Variants in ERMP1 observed in about 807,000 individuals in gnomAD.
The protein encoded by ERMP1 is endoplasmic reticulum metallopeptidase 1, also known as Felix-ina.
A neutral mutation model predicts 92.0 loss-of-function variants in ERMP1; 86 were observed. That is an observed-to-expected ratio of 0.93 (90% CI 0.79 to 1.12). ERMP1 has a LOEUF of 1.12. Among genes scored for constraint, ERMP1 ranks in the 50% most tolerant of loss-of-function variants. The probability of loss-of-function intolerance (pLI) is 0.00; values close to 1 mark genes in which losing one functional copy is unlikely to be tolerated. For synonymous variants in ERMP1, 530 were observed against 412.8 expected, an observed-to-expected ratio of 1.28 and a Z score of -3.44; for missense variants, 1,342 against 1,116.3, an observed-to-expected ratio of 1.20 and a Z score of -2.88.
chr9:5,803,333 T>G (rs1309424921), intron 10 of ERMP1, among the ~76,000 whole-genome samples: 1 of 152,202 alleles, frequency 6.6e-6, no homozygotes, highest in Non-Finnish European at 1.5e-5. Flanking sequence ...TCTAAAGTAT[T>G]CCAAGAGGCA....
chr9:5,835,015 G>C (rs1165870941), upstream of ERMP1, among the ~76,000 whole-genome samples: 1 of 151,020 alleles, frequency 6.6e-6, no homozygotes, highest in African/African-American at 2.4e-5. Context: ...GTGTGTGTGT[G>C]TGTGTGTGTG....
chr9:5,810,173 G>A lies in ERMP1; in HGVS notation c.1386C>T (p.Phe462=), dbSNP rs768950275. 13 of 1,614,098 alleles carry A rather than the reference G, an allele frequency of 8.1e-6. No homozygotes were observed. The highest frequency in any genetic ancestry group is 1.1e-5 in the Non-Finnish European group (13 of 1,180,008). ...TAATGAGAACGGTAACAAGGCTAGT[G>A]AACCAGCTGATCAAAGTGATGCCAA... The part of the protein sequence containing the change: ...CGLGITLISW[F]TSLVTVLIIA... The change falls in exon 8 of 15, where the codon TTC becomes TTT. Residue 462 remains phenylalanine, a synonymous_variant. Transcript: ENST00000339450.
At chr9:5,856,676 T>G (rs1296070228) in intron 6 of ERMP1, among the ~76,000 whole-genome samples, 1 of 152,218 alleles carries the variant, frequency 6.6e-6, no homozygotes, top group Non-Finnish European at 1.5e-5. Context: ...TAGCAAATAC[T>G]GAACCATTGC....
At position 5,785,637 on chromosome 9, in the gene ERMP1, CAT is replaced by C. The variant is rs750663389; in HGVS notation, c.*1505_*1506del. 4.6e-5 allele frequency: 7 copies of C among 152,932 alleles called. No homozygotes were observed. Among genetic ancestry groups the C allele is most frequent in the East Asian group, 3.9e-4 (2 of 5,174 alleles). 9.5% of individuals were successfully genotyped at this position (152,932 alleles called of 1,614,324 possible). A position where few individuals can be genotyped will look rare whatever the true frequency, so the allele number is the denominator to read the frequency against. ...CATGATTTAAAAAGCACATCATACA[CAT>C]GAGACAAGCAGCTTCAAGGACGTTT... On this transcript the variant is annotated 3_prime_UTR_variant, in exon 15 of 15. Coordinates refer to ENST00000339450, the MANE Select transcript of ERMP1 (RefSeq NM_024896.3).
intron 5 of ERMP1, among the ~76,000 whole-genome samples, chr9:5,862,134 A>T (rs1165977876): frequency 6.6e-6 from 1 of 151,932 alleles, no homozygotes; most frequent in African/African-American, 2.4e-5. Context: ...GGCCCAAGTG[A>T]TCCTCCCACC....
chr9:5,823,008 G>C (rs1235606861), intron 4 of ERMP1, among the ~76,000 whole-genome samples: 2 of 152,198 alleles, frequency 1.3e-5, no homozygotes, highest in Non-Finnish European at 2.9e-5. Flanking sequence ...CTCTGGGCCA[G>C]GCATGGTGGT....
chr9:5,834,879 A>G (rs1222910716), upstream of ERMP1, among the ~76,000 whole-genome samples: 1 of 151,812 alleles, frequency 6.6e-6, no homozygotes, highest in Non-Finnish European at 1.5e-5. Flanking sequence ...AATCTCACAG[A>G]GTCCACGTGT....
chr9:5,798,868 G>A lies in ERMP1; in HGVS notation c.2208C>T (p.His736=), dbSNP rs1217201275. The A allele has an allele frequency of 3.1e-6, 5 of 1,613,816 alleles. No homozygotes were observed. Among genetic ancestry groups the A allele is most frequent in the Non-Finnish European group, 4.2e-6 (5 of 1,179,750 alleles). ...CACAAAGAGGTGCATTCTCCTCACA[G>A]TGAGCTCGGATACTATCATTGATCT... is the stretch of plus-strand genomic sequence containing the variant. The part of the protein sequence containing the change: ...IPEINDSIRA[H]CEENAPLCGF... The change falls in exon 12 of 15, where the codon CAC becomes CAT. Residue 736 remains histidine, a synonymous_variant. Coordinates refer to ENST00000339450, the MANE Select transcript of ERMP1 (RefSeq NM_024896.3).
chr9:5,798,771 C>G (rs764357288), intron 12 of ERMP1, 35 bp downstream of exon 12: 2 of 1,439,768 alleles, frequency 1.4e-6, no homozygotes, highest in East Asian at 4.6e-5. Flanking sequence ...GACTTGAGAA[C>G]AAACTAACCT....
chr9:5,792,677 T>G (rs1028076340), intron 13 of ERMP1, among the ~76,000 whole-genome samples: 1 of 152,218 alleles, frequency 6.6e-6, no homozygotes, highest in Non-Finnish European at 1.5e-5. Flanking sequence ...ACTTACCTAT[T>G]GTTTAAAAGG....
intron 4 of ERMP1, among the ~76,000 whole-genome samples, chr9:5,818,368 T>C (rs1345055545): frequency 1.3e-5 from 2 of 152,196 alleles, no homozygotes; most frequent in East Asian, 1.9e-4. Flanking sequence ...AAAAAAATTA[T>C]CATGACCAGT....
At chr9:5,812,011 T>G (rs1448213965) in intron 6 of ERMP1, 114 bp downstream of exon 6, 2 of 663,672 alleles carry the variant, frequency 3.0e-6, no homozygotes, top group Non-Finnish European at 5.2e-6. Flanking sequence ...CCCTAGCTCA[T>G]TCACATTGCA....
At chr9:5,848,606 G>A (rs1044439404) in intron 6 of ERMP1, among the ~76,000 whole-genome samples, 1 of 137,650 alleles carries the variant, frequency 7.3e-6, no homozygotes, top group Non-Finnish European at 1.6e-5. Flanking sequence ...GCCATTTCTG[G>A]TTTTCTACAA....
At chr9:5,850,157 C>T (rs565671888) in intron 6 of ERMP1, among the ~76,000 whole-genome samples, 71 of 151,992 alleles carry the variant, frequency 4.7e-4, no homozygotes, top group Non-Finnish European at 9.1e-4. Flanking sequence ...TGTGGATCAT[C>T]GGCATCAGAA....
intron 4 of ERMP1, among the ~76,000 whole-genome samples, chr9:5,820,246 C>T (rs988805177): frequency 6.6e-6 from 1 of 152,164 alleles, no homozygotes; most frequent in African/African-American, 2.4e-5. Context: ...GTGCAGTGAG[C>T]TGAGATCGCG....
intron 5 of ERMP1, among the ~76,000 whole-genome samples, chr9:5,863,918 G>A (rs1021427464): frequency 1.3e-5 from 2 of 152,146 alleles, no homozygotes; most frequent in African/African-American, 4.8e-5. Context: ...TAATAGTTCA[G>A]TAGTATAGAT....
chr9:5,804,009 A>G (rs964402489), intron 10 of ERMP1, among the ~76,000 whole-genome samples: 4 of 152,120 alleles, frequency 2.6e-5, no homozygotes, highest in South Asian at 2.1e-4. Flanking sequence ...GATGCTGACC[A>G]TGTGTGTAGT....
chr9:5,817,906 T>C (rs960802759), intron 4 of ERMP1, among the ~76,000 whole-genome samples: 2 of 152,070 alleles, frequency 1.3e-5, no homozygotes, highest in South Asian at 4.1e-4. Context: ...GTAAATATTA[T>C]GATGGAAGCC....
chr9:5,805,463 G>A (rs921906585), intron 9 of ERMP1, 148 bp downstream of exon 9: 4 of 664,376 alleles, frequency 6.0e-6, no homozygotes, highest in Non-Finnish European at 9.7e-6. Flanking sequence ...TGGAGTATAA[G>A]GCATAAGATA....
Sources: allele counts gnomAD v4.1 joint callset (sites outside exome capture counted in the v4.1 genomes callset), GRCh38; gene constraint gnomAD v4.1.1; transcripts MANE v1.5; gene names NCBI Gene and HGNC (gene_info 2026-07-23, HGNC 2026-07-21).